Variants in REPS1 observed in about 807,000 individuals in gnomAD.
REPS1 encodes ralBP1-associated Eps domain-containing protein 1.
REPS1 carries 39 observed loss-of-function variants against 100.9 expected under a neutral mutation model. The observed-to-expected ratio is 0.39, with a 90% CI of 0.30 to 0.50. The LOEUF (loss-of-function observed/expected upper bound fraction) is 0.50. Ranked by LOEUF, REPS1 falls within the 20% of genes least tolerant of loss-of-function variation. The pLI is 0.86. For missense variants in REPS1, 821 were observed against 968.5 expected, an observed-to-expected ratio of 0.85 and a Z score of 2.02; for synonymous variants, 324 against 340.3, an observed-to-expected ratio of 0.95 and a Z score of 0.53.
At chr6:138,931,768 G>GAA (rs56990654) in intron 8 of REPS1, among the ~76,000 whole-genome samples, 2 of 150,952 alleles carry the variant, frequency 1.3e-5, no homozygotes, top group Non-Finnish European at 3.0e-5. Flanking sequence ...TTTTCATTGG[G>GAA]AAAAAAAAAT....
At chr6:138,927,816 C>T (rs1250239877) in intron 9 of REPS1, 4 of 152,194 alleles carry the variant, frequency 2.6e-5, no homozygotes, top group Admixed American at 1.3e-4. Context: ...GGCATCACTT[C>T]AGGAAAGTTA....
intron 1 of REPS1, among the ~76,000 whole-genome samples, chr6:138,972,858 T>C (rs1358283158): frequency 6.6e-6 from 1 of 152,130 alleles, no homozygotes; most frequent in Non-Finnish European, 1.5e-5. Context: ...AGTTCCATAC[T>C]GCTGAAAAAA....
chr6:138,953,492 C>T (rs1367846628), intron 1 of REPS1, among the ~76,000 whole-genome samples: 1 of 151,948 alleles, frequency 6.6e-6, no homozygotes, highest in African/African-American at 2.4e-5. Context: ...AATATCTCAA[C>T]AGCAAAAAAC....
intron 1 of REPS1, among the ~76,000 whole-genome samples, chr6:138,964,771 G>A (rs1479483313): frequency 2.0e-5 from 3 of 151,340 alleles, no homozygotes; most frequent in Non-Finnish European, 4.4e-5. Flanking sequence ...TAACTTTTCA[G>A]CACAGAAAGT....
intron 1 of REPS1, among the ~76,000 whole-genome samples, chr6:138,979,337 T>C (rs1200719025): frequency 6.6e-6 from 1 of 152,102 alleles, no homozygotes; most frequent in Non-Finnish European, 1.5e-5. Flanking sequence ...TTCTGCAGAA[T>C]TTCTCACACT....
chr6:138,968,437 A>G (rs988682687), intron 1 of REPS1, among the ~76,000 whole-genome samples: 22 of 152,236 alleles, frequency 1.4e-4, no homozygotes, highest in African/African-American at 5.3e-4. Flanking sequence ...GTTCTTGCCC[A>G]AGGATATTGA....
At chr6:138,934,578 T>C (rs770017685) in intron 8 of REPS1, among the ~76,000 whole-genome samples, 1 of 152,224 alleles carries the variant, frequency 6.6e-6, no homozygotes, top group Non-Finnish European at 1.5e-5. Context: ...AAACAACCTC[T>C]TTCTCAGAGC....
At position 138,914,760 on chromosome 6, in the gene REPS1, T is replaced by C. The variant is rs201379900; in HGVS notation, c.1722A>G (p.Gly574=). Residue 574 remains glycine, a splice_region_variant and synonymous_variant, in exon 15 of 20, where the codon GGA becomes GGG. Coordinates refer to ENST00000450536, the MANE Select transcript of REPS1 (RefSeq NM_001286611.2). ...DMNRTFTVTT[G]QQQAGVVAHP... ...GGGCAACAACTCCAGCCTGTTGTTG[T>C]CCTGCATGAATACAAAAGTTCTTCT... The C allele has an allele frequency of 1.4e-4, 222 of 1,609,260 alleles. No individual in the cohort carries two copies. The highest frequency in any genetic ancestry group is 5.1e-4 in the Admixed American group (30 of 58,586).
intron 10 of REPS1, among the ~76,000 whole-genome samples, chr6:138,921,854 C>T (rs1313716565): frequency 6.6e-6 from 1 of 151,936 alleles, no homozygotes; most frequent in African/African-American, 2.4e-5. Flanking sequence ...GGATTACAGG[C>T]GTGAGCCACT....
At chr6:138,971,902 G>C (rs1041340975) in intron 1 of REPS1, among the ~76,000 whole-genome samples, 2 of 152,148 alleles carry the variant, frequency 1.3e-5, no homozygotes, top group African/African-American at 2.4e-5. Flanking sequence ...AGCCAAGCAG[G>C]GCTAAGCAAA....
intron 4 of REPS1, 76 bp from the exon 5 acceptor site, chr6:138,944,698 T>TA: frequency 5.7e-6 from 8 of 1,403,364 alleles, no homozygotes; most frequent in Non-Finnish European, 7.8e-6. Flanking sequence ...TTCCAACTCT[T>TA]ACTCTGAAGA....
At chr6:138,925,344 G>A (rs1323980178) in intron 10 of REPS1, among the ~76,000 whole-genome samples, 1 of 152,120 alleles carries the variant, frequency 6.6e-6, no homozygotes, top group Non-Finnish European at 1.5e-5. Flanking sequence ...TCCAGCCTGG[G>A]CGAAAGAGAG....
At chr6:138,931,167 C>T (rs1185956129) in intron 8 of REPS1, among the ~76,000 whole-genome samples, 3 of 152,176 alleles carry the variant, frequency 2.0e-5, no homozygotes, top group Non-Finnish European at 4.4e-5. Flanking sequence ...ATCAGAAAGA[C>T]AGCTGCCATT....
chr6:138,929,933 A>T, intron 9 of REPS1, 44 bp downstream of exon 9: 1 of 1,604,056 alleles, frequency 6.2e-7, no homozygotes, highest in Admixed American at 1.7e-5. Flanking sequence ...ATCTTACCTT[A>T]AAAGAGTTAA....
chr6:138,923,635 A>C (rs554200786), intron 10 of REPS1, among the ~76,000 whole-genome samples: 1 of 152,320 alleles, frequency 6.6e-6, no homozygotes, highest in Admixed American at 6.5e-5. Context: ...AAAGGCTACT[A>C]ACTGACAAGC....
At chr6:138,930,127 A>ATTT in intron 8 of REPS1, 29 bp from the exon 9 acceptor site, 1 of 1,602,968 alleles carries the variant, frequency 6.2e-7, no homozygotes, top group Non-Finnish European at 8.5e-7. Flanking sequence ...GAAATTCTCT[A>ATTT]TAAAGACTAC....
Position 138,911,519 on chromosome 6 carries a change from A to G in REPS1, c.1972-148T>C, listed in dbSNP as rs1451404877. The stretch of plus-strand genomic sequence containing the variant: ...AAGAAACTTGAAGGAACTTTATTAA[A>G]TGAGCCTTCTCTGCTACTGAAAGGC... On this transcript the variant is annotated intron_variant, in intron 16 of 19. Coordinates refer to ENST00000450536, the MANE Select transcript of REPS1 (RefSeq NM_001286611.2). The G allele has an allele frequency of 9.6e-6, 6 of 626,934 alleles. No individual in the cohort carries two copies. The African/African-American group carries it at 1.1e-4, about 12-fold the overall frequency. 38.8% of individuals were successfully genotyped at this position (626,934 alleles called of 1,614,324 possible). A position where few individuals can be genotyped will look rare whatever the true frequency, so the allele number is the denominator to read the frequency against.
intron 1 of REPS1, among the ~76,000 whole-genome samples, chr6:138,954,694 TAAATAAAATGA>T (rs573170746): frequency 1.3e-5 from 2 of 152,246 alleles, no homozygotes; most frequent in South Asian, 4.1e-4. Flanking sequence ...TTAATTCTTT[TAAATAAAATGA>T]AAATAAAAGG....
intron 1 of REPS1, among the ~76,000 whole-genome samples, chr6:138,975,096 T>C (rs1181490093): frequency 1.3e-5 from 2 of 152,238 alleles, no homozygotes; most frequent in East Asian, 1.9e-4. Context: ...ACCTAGCTAC[T>C]ACTCTCAAGC....
Sources: gnomAD v4.1 joint callset for allele counts (sites outside exome capture counted in the v4.1 genomes callset) on GRCh38, gnomAD v4.1.1 for gene constraint, MANE v1.5 for transcripts, NCBI Gene and HGNC (gene_info 2026-07-23, HGNC 2026-07-21) for gene names.